Variants in WDR20 observed in about 807,000 individuals in gnomAD.
WDR20 encodes the protein WD repeat-containing protein 20.
Under a neutral mutation model 38.7 loss-of-function variants are expected in WDR20, and 3 were observed. The ratio of observed to expected loss-of-function variants is 0.08; its 90% CI spans 0.04 to 0.20. The LOEUF is 0.20. Among genes scored for constraint, WDR20 ranks in the 10% least tolerant of loss-of-function variants. WDR20 has a pLI of 1.00. For missense variants in WDR20, 559 were observed against 727.7 expected (o/e 0.77, Z 2.67); for synonymous variants, 298 against 285.6 (o/e 1.04, Z -0.44).
At chr14:102,166,501 T>G (rs750888810) in intron 1 of WDR20, among the ~76,000 whole-genome samples, 5 of 152,222 alleles carry the variant, frequency 3.3e-5, no homozygotes, top group Non-Finnish European at 5.9e-5. Flanking sequence ...TCATTACTAT[T>G]TTTATGACTG....
Position 102,209,444 on chromosome 14 carries a change from T to G in WDR20, c.1274T>G (p.Val425Gly). Residue 425 changes from valine to glycine, a missense_variant, in exon 3 of 3, where the codon GTG (valine) becomes GGG (glycine). Coordinates refer to ENST00000342702, the MANE Select transcript of WDR20 (RefSeq NM_144574.4). The surrounding 1 kb of genome is among the most constrained non-coding windows in gnomAD (Gnocchi z 6.0). Reference sequence around the variant, plus strand: ...AGTGTTACAACACCCGGGAACTCTGTGCCGCCTCCTCTGCCACGGTCCAAC... The same window carrying G: ...AGTGTTACAACACCCGGGAACTCTGGGCCGCCTCCTCTGCCACGGTCCAAC... ...GNSVTTPGNS[V>G]PPPLPRSNSL... 6.2e-7 allele frequency: 1 copy of G among 1,614,200 alleles called. No homozygotes were observed. Among genetic ancestry groups the G allele is most frequent in the Non-Finnish European group, 8.5e-7 (1 of 1,180,034 alleles).
chr14:102,146,734 A>G (rs2053780559), intron 1 of WDR20, among the ~76,000 whole-genome samples: 1 of 152,088 alleles, frequency 6.6e-6, no homozygotes, highest in African/African-American at 2.4e-5. Context: ...TCCCCCCCAC[A>G]GACTTGTTTT....
At position 102,186,678 on chromosome 14, in the gene WDR20, G is replaced by T. The variant is rs201221204; in HGVS notation, c.250-8260G>T. 2.0e-5 allele frequency among the ~76,000 whole-genome samples: 3 copies of T among 152,062 alleles called. No homozygotes were observed. The East Asian group carries it at 5.8e-4, about 29-fold the overall frequency. On this transcript the variant is annotated intron_variant, in intron 1 of 2. Transcript: ENST00000342702. Reference sequence around the variant, plus strand: ...TTAAAAGTTCCACCAAGGGCCGGGCGCAGTGGCTCACATCTGTAATCCCAG... The same window carrying T: ...TTAAAAGTTCCACCAAGGGCCGGGCTCAGTGGCTCACATCTGTAATCCCAG...
In WDR20 at chr14:102,196,591, AG is replaced by A. The variant is rs1202578507; in HGVS notation, c.432+1472del. The stretch of plus-strand genomic sequence containing the variant: ...CTGTTAGTAAACAAGACCCGGAGGC[AG>A]CCCTGGCCGAGGATGGTACAGAATG... On this transcript the variant is annotated intron_variant, in intron 2 of 2. Transcript: ENST00000342702. Among the ~76,000 whole-genome samples, 3 of 152,322 alleles carry A rather than the reference AG, an allele frequency of 2.0e-5. No homozygotes were observed. The East Asian group carries it at 5.8e-4, about 29-fold the overall frequency.
chr14:102,153,558 A>G (rs1038975457), intron 1 of WDR20, among the ~76,000 whole-genome samples: 2 of 152,030 alleles, frequency 1.3e-5, no homozygotes, highest in African/African-American at 4.8e-5. Context: ...TGCCCGCCTC[A>G]GCCTCCAAAA....
In WDR20 at chr14:102,208,151, G is replaced by A. The variant is rs1321511067; in HGVS notation, c.433-452G>A. Reference sequence around the variant, plus strand: ...AGTGACAGTAAAGGCAGAGGAACCCGTGAGGGTGAGGCAGAGCCCTCCTGG... The same window carrying A: ...AGTGACAGTAAAGGCAGAGGAACCCATGAGGGTGAGGCAGAGCCCTCCTGG... On this transcript the variant is annotated intron_variant, in intron 2 of 2. Coordinates refer to ENST00000342702, the MANE Select transcript of WDR20 (RefSeq NM_144574.4). This position sits in a 1 kb window ranked among gnomAD's most constrained non-coding sequence, Gnocchi z 5.6. Among the ~76,000 whole-genome samples, 7 of 152,252 alleles carry A rather than the reference G, an allele frequency of 4.6e-5. No individual in the cohort carries two copies. The highest frequency in any genetic ancestry group is 1.9e-4 in the East Asian group (1 of 5,198).
Position 102,208,730 on chromosome 14 carries a change from C to G in WDR20, c.560C>G (p.Ala187Gly). The change falls in exon 3 of 3, where the codon GCC becomes GGC. Residue 187 changes from alanine to glycine, a missense_variant. Physicochemically the swap from Ala to Gly is moderately conservative, Grantham distance 60. Coordinates refer to ENST00000342702, the MANE Select transcript of WDR20 (RefSeq NM_144574.4). This position sits in a 1 kb window ranked among gnomAD's most constrained non-coding sequence, Gnocchi z 5.6. ...GTGGAGCACACTTGTGGCACCACAG[C>G]CCCCCACTACCAGCTTCTGAAGCAG... ...YNVEHTCGTTAPHYQLLKQGE... is the reference protein window; with the variant it reads ...YNVEHTCGTTGPHYQLLKQGE... The G allele has an allele frequency of 6.2e-7, 1 of 1,614,174 alleles. No homozygotes were observed. The highest frequency in any genetic ancestry group is 8.5e-7 in the Non-Finnish European group (1 of 1,180,024).
Position 102,220,580 on chromosome 14 carries a change from C to T in WDR20, c.1693-2250C>T, listed in dbSNP as rs1041437081. 2.9e-4 allele frequency among the ~76,000 whole-genome samples: 44 copies of T among 151,906 alleles called. No homozygotes were observed. Among genetic ancestry groups the T allele is most frequent in the Admixed American group, 2.6e-3 (39 of 15,270 alleles). On this transcript the variant is annotated intron_variant, in intron 3 of 3. Transcript: ENST00000335263. The surrounding 1 kb of genome is among the most constrained non-coding windows in gnomAD (Gnocchi z 4.2). ...CTAAAACTACAAAAAGTTAGCTGGGCGTGGTGGCAGGCGCCTGTAGTCCAA... is the reference window on the plus strand; with the variant it reads ...CTAAAACTACAAAAAGTTAGCTGGGTGTGGTGGCAGGCGCCTGTAGTCCAA...
chr14:102,200,465 T>TG (rs1555400497), intron 2 of WDR20, among the ~76,000 whole-genome samples: 1,962 of 98,514 alleles, frequency 0.02, 24 homozygotes, highest in Admixed American at 0.031. Flanking sequence ...AAATTTTTTT[T>TG]TTTGTGTGTG....
intron 1 of WDR20, among the ~76,000 whole-genome samples, chr14:102,152,770 C>A (rs2056366709): frequency 1.3e-5 from 2 of 152,102 alleles, no homozygotes; most frequent in African/African-American, 4.8e-5. Flanking sequence ...CTATTAGTAT[C>A]CTTATTTTAC....
At chr14:102,179,310 C>T (rs978424629) in intron 1 of WDR20, among the ~76,000 whole-genome samples, 1 of 151,850 alleles carries the variant, frequency 6.6e-6, no homozygotes, top group African/African-American at 2.4e-5. Flanking sequence ...TGTATTTTCA[C>T]AGGTAGAGCC....
downstream of WDR20, among the ~76,000 whole-genome samples, chr14:102,215,394 TTC>T (rs2063096626): frequency 6.6e-6 from 1 of 152,158 alleles, no homozygotes; most frequent in African/African-American, 2.4e-5. Context: ...ACATCCGACA[TTC>T]TGTCCAGCCA....
chr14:102,210,320 T>C lies in WDR20; in HGVS notation c.*440T>C. 2.0e-6 allele frequency: 2 copies of C among 987,152 alleles called. No homozygotes were observed. The highest frequency in any genetic ancestry group is 2.4e-6 in the Non-Finnish European group (2 of 830,870). 61.1% of individuals were successfully genotyped at this position (987,152 alleles called of 1,614,324 possible). On this transcript the variant is annotated 3_prime_UTR_variant, in exon 3 of 3. Transcript: ENST00000342702. ...CAGCACAGATGGCCATGAATTGTCA[T>C]TTATAGTCCAATTTTTTATCTTAAT...
chr14:102,201,619 G>GGGA (rs1478775350), intron 2 of WDR20, among the ~76,000 whole-genome samples: 2,011 of 152,304 alleles, frequency 0.013, 52 homozygotes, highest in African/African-American at 0.046. Flanking sequence ...TATGGGGAGG[G>GGGA]CCGCGCTGAG....
chr14:102,210,673 C>A, downstream of WDR20: 1 of 454,858 alleles, frequency 2.2e-6, no homozygotes, highest in Non-Finnish European at 2.9e-6. Flanking sequence ...ACCTTTTCTT[C>A]AGATGCACTT....
chr14:102,216,905 C>A (rs2063285284), downstream of WDR20, among the ~76,000 whole-genome samples: 1 of 148,898 alleles, frequency 6.7e-6, no homozygotes, highest in Non-Finnish European at 1.5e-5. Flanking sequence ...TGCACTCCAG[C>A]CTGGGCGACA....
chr14:102,141,668 A>G (rs1033848981), intron 1 of WDR20, among the ~76,000 whole-genome samples: 8 of 152,146 alleles, frequency 5.3e-5, no homozygotes, highest in Non-Finnish European at 1.2e-4. Flanking sequence ...GTAATTAATA[A>G]TATAATAATC....
Position 102,209,231 on chromosome 14 carries a change from A to G in WDR20, c.1061A>G (p.Lys354Arg). ...RANSTQSRLS[K>R]RNSTDSRPVS... ...AATAGTACACAGTCCAGGCTCTCCAAACGGAACTCTACAGACAGCCGCCCC... is the reference window on the plus strand; with the variant it reads ...AATAGTACACAGTCCAGGCTCTCCAGACGGAACTCTACAGACAGCCGCCCC... The change falls in exon 3 of 3, where the codon AAA becomes AGA. Residue 354 changes from lysine (K) to arginine (R), a missense_variant. Lys to Arg is a conservative substitution (Grantham distance 26, BLOSUM62 2). Coordinates refer to ENST00000342702, the MANE Select transcript of WDR20 (RefSeq NM_144574.4). The surrounding 1 kb of genome is among the most constrained non-coding windows in gnomAD (Gnocchi z 6.0). The G allele has an allele frequency of 6.2e-7, 1 of 1,614,116 alleles. No individual in the cohort carries two copies. The highest frequency in any genetic ancestry group is 8.5e-7 in the Non-Finnish European group (1 of 1,180,014).
At chr14:102,183,037 C>CT (rs2063734528) in intron 1 of WDR20, among the ~76,000 whole-genome samples, 2 of 151,816 alleles carry the variant, frequency 1.3e-5, no homozygotes, top group Non-Finnish European at 2.9e-5. Flanking sequence ...GCACTCCAGC[C>CT]TGGGCAACAG....
Sources: allele counts gnomAD v4.1 joint callset (sites outside exome capture counted in the v4.1 genomes callset), GRCh38; gene constraint gnomAD v4.1.1; non-coding constraint Gnocchi (gnomAD v3.1); transcripts MANE v1.5; gene names NCBI Gene and HGNC (gene_info 2026-07-23, HGNC 2026-07-21).